Variants in SLC9A9 observed in about 807,000 individuals in gnomAD.
SLC9A9 encodes sodium/hydrogen exchanger 9.
A neutral mutation model predicts 77.8 loss-of-function variants in SLC9A9; 62 were observed. The ratio of observed to expected loss-of-function variants is 0.80; its 90% CI spans 0.65 to 0.98. The LOEUF (loss-of-function observed/expected upper bound fraction) is 0.98, where lower values mean the gene tolerates loss of function less well. SLC9A9 is among the 50% of genes least tolerant of loss of function. The pLI is 0.00. For missense variants in SLC9A9, 775 were observed against 774.9 expected (o/e 1.00, Z 0.00); for synonymous variants, 320 against 283.5 (o/e 1.13, Z -1.29).
At chr3:143,676,171 C>G (rs186293424) in intron 5 of SLC9A9, among the ~76,000 whole-genome samples, 4 of 152,266 alleles carry the variant, frequency 2.6e-5, no homozygotes, top group African/African-American at 7.2e-5. Context: ...GAGGTAAAGC[C>G]CAGGTGGTTA....
intron 9 of SLC9A9, among the ~76,000 whole-genome samples, chr3:143,526,474 AT>A (rs1326790248): frequency 1.3e-5 from 2 of 152,116 alleles, no homozygotes; most frequent in Non-Finnish European, 2.9e-5. Context: ...TACTTCCTAC[AT>A]TTTAGCATCT....
chr3:143,737,123 CAT>C lies in SLC9A9; in HGVS notation c.534-43818_534-43817del, dbSNP rs574827236. On this transcript the variant is annotated intron_variant, in intron 4 of 15. Transcript: ENST00000316549. Reference sequence around the variant, plus strand: ...CACATTAATAATGTCAAAACAGTCACATGTTAAGATTTGTTCTTCAAGGAGCA... The same window carrying C: ...CACATTAATAATGTCAAAACAGTCACGTTAAGATTTGTTCTTCAAGGAGCA... Among the ~76,000 whole-genome samples, 604 of 152,256 alleles carry C rather than the reference CAT, an allele frequency of 4.0e-3. 7 individuals carry two copies. In the South Asian group the frequency reaches 0.046, roughly 12 times the overall value.
At chr3:143,558,953 C>G (rs2037036001) in intron 8 of SLC9A9, among the ~76,000 whole-genome samples, 1 of 152,052 alleles carries the variant, frequency 6.6e-6, no homozygotes, top group African/African-American at 2.4e-5. Context: ...ATGGGAGGGT[C>G]CTGGTGGGAA....
chr3:143,587,362 TA>T (rs2037559878), intron 6 of SLC9A9, among the ~76,000 whole-genome samples: 1 of 151,970 alleles, frequency 6.6e-6, no homozygotes, highest in African/African-American at 2.4e-5. Context: ...AAAAGAAAAA[TA>T]AAACAGCAAG....
intron 8 of SLC9A9, among the ~76,000 whole-genome samples, chr3:143,563,982 G>A (rs957465472): frequency 1.3e-4 from 20 of 152,214 alleles, no homozygotes; most frequent in African/African-American, 3.9e-4. Context: ...CTGACCTGCT[G>A]TCTTATCGCT....
chr3:143,547,964 T>C (rs1160534250), intron 9 of SLC9A9, among the ~76,000 whole-genome samples: 1 of 152,152 alleles, frequency 6.6e-6, no homozygotes, highest in Non-Finnish European at 1.5e-5. Context: ...CAAAGTAGGC[T>C]CTCAAAAAAA....
intron 12 of SLC9A9, among the ~76,000 whole-genome samples, chr3:143,395,854 A>G (rs1363025511): frequency 6.6e-6 from 1 of 152,246 alleles, no homozygotes; most frequent in Non-Finnish European, 1.5e-5. Context: ...AAAAATGCTC[A>G]TCATCACTGG....
chr3:143,636,165 C>T (rs560702045), intron 6 of SLC9A9, among the ~76,000 whole-genome samples: 2 of 152,144 alleles, frequency 1.3e-5, no homozygotes, highest in African/African-American at 2.4e-5. Flanking sequence ...TTTGTGGTGT[C>T]TTTTTGGTCC....
chr3:143,846,087 G>A (rs937121520), intron 1 of SLC9A9, among the ~76,000 whole-genome samples: 1 of 152,128 alleles, frequency 6.6e-6, no homozygotes. Context: ...AGGATTAAAG[G>A]TAACCTGGAA....
intron 14 of SLC9A9, among the ~76,000 whole-genome samples, chr3:143,345,522 G>A (rs1231534950): frequency 6.6e-6 from 1 of 152,210 alleles, no homozygotes; most frequent in Non-Finnish European, 1.5e-5. Context: ...CTTTAGTAAA[G>A]TTGTTGAGAT....
chr3:143,407,283 T>A (rs962328480), intron 12 of SLC9A9, among the ~76,000 whole-genome samples: 1 of 152,162 alleles, frequency 6.6e-6, no homozygotes, highest in African/African-American at 2.4e-5. Flanking sequence ...TTAGACAATA[T>A]GAGAAGACAA....
At chr3:143,467,299 T>C in intron 11 of SLC9A9, 109 bp from the exon 12 acceptor site, 1 of 1,216,456 alleles carries the variant, frequency 8.2e-7, no homozygotes, top group Non-Finnish European at 1.2e-6. Flanking sequence ...TTAATCTTTT[T>C]ATTTTGAGAT....
At chr3:143,303,826 A>C (rs1338689340) in intron 14 of SLC9A9, among the ~76,000 whole-genome samples, 1 of 152,154 alleles carries the variant, frequency 6.6e-6, no homozygotes, top group Non-Finnish European at 1.5e-5. Context: ...GACTCCTCCC[A>C]AAAGCCAAAA....
intron 9 of SLC9A9, among the ~76,000 whole-genome samples, chr3:143,498,856 ATGTT>A (rs906199394): frequency 6.6e-6 from 1 of 152,174 alleles, no homozygotes; most frequent in African/African-American, 2.4e-5. Context: ...ACTCAGCAAT[ATGTT>A]TGTGAGATTC....
In SLC9A9 at chr3:143,507,994, T is replaced by A. The variant is rs114877098; in HGVS notation, c.1090-12546A>T. On this transcript the variant is annotated intron_variant, in intron 9 of 15. Transcript: ENST00000316549. ...CTAATTATCTCCCAAAGGCCCCAACTCCAAATACCATTAAATTGGGGGTTA... is the reference window on the plus strand; with the variant it reads ...CTAATTATCTCCCAAAGGCCCCAACACCAAATACCATTAAATTGGGGGTTA... 4.6e-3 allele frequency among the ~76,000 whole-genome samples: 702 copies of A among 152,156 alleles called. 11 individuals are homozygous for A. The highest frequency in any genetic ancestry group is 0.016 in the African/African-American group (669 of 41,508).
At chr3:143,272,750 G>A (rs1423735381) in intron 14 of SLC9A9, among the ~76,000 whole-genome samples, 1 of 152,114 alleles carries the variant, frequency 6.6e-6, no homozygotes, top group Admixed American at 6.5e-5. Flanking sequence ...GGGGAGGGAG[G>A]TTCCCCATTG....
rs2360724 is a variant in SLC9A9, at chr3:143,634,263, C to T, written c.755+17992G>A. On this transcript the variant is annotated intron_variant, in intron 6 of 15. Coordinates refer to ENST00000316549, the MANE Select transcript of SLC9A9 (RefSeq NM_173653.4). ...TGTCTATCTATTTATTACATTGTTT[C>T]GGGAGAATATTGTTTTACACCATGT... 7.5e-3 allele frequency among the ~76,000 whole-genome samples: 1,146 copies of T among 152,150 alleles called. 17 individuals are homozygous for T. The highest frequency in any genetic ancestry group is 0.026 in the African/African-American group (1,087 of 41,482).
At chr3:143,523,662 C>T (rs1387348448) in intron 9 of SLC9A9, among the ~76,000 whole-genome samples, 1 of 152,118 alleles carries the variant, frequency 6.6e-6, no homozygotes, top group African/African-American at 2.4e-5. Context: ...TTGTTATATA[C>T]TTCCCTTTCT....
chr3:143,822,981 T>G (rs1161492611), intron 2 of SLC9A9, among the ~76,000 whole-genome samples: 1 of 124,398 alleles, frequency 8.0e-6, no homozygotes. Flanking sequence ...AGAGCACACA[T>G]AATTCACCCT....
Sources: allele counts gnomAD v4.1 joint callset (sites outside exome capture counted in the v4.1 genomes callset), GRCh38; gene constraint gnomAD v4.1.1; transcripts MANE v1.5; gene names NCBI Gene and HGNC (gene_info 2026-07-23, HGNC 2026-07-21).